Variants in NSD1 observed in about 807,000 individuals in gnomAD.
NSD1 encodes nuclear receptor binding SET domain protein 1.
In NSD1, 26 loss-of-function variants were observed where a neutral mutation model predicts 242.7. That is an observed-to-expected ratio of 0.11 (90% confidence interval 0.08 to 0.15). The LOEUF (loss-of-function observed/expected upper bound fraction) is 0.15. NSD1 is among the 10% of genes least tolerant of loss of function. The pLI is 1.00. For missense variants in NSD1, 2,495 were observed against 3,272.8 expected, an observed-to-expected ratio of 0.76 and a Z score of 5.80; for synonymous variants, 1,106 against 1,178.1, an observed-to-expected ratio of 0.94 and a Z score of 1.25.
Position 177,294,127 on chromosome 5 carries a change from A to T in NSD1, c.6759A>T (p.Lys2253Asn), listed in dbSNP as rs753553829. Reference protein sequence around the residue: ...MAAQAPKMSDKPPADTNQMLS... With the variant: ...MAAQAPKMSDNPPADTNQMLS... Reference sequence around the variant, plus strand: ...CTCAGGCACCCAAAATGTCAGATAAACCTCCTGCTGACACCAACCAGATGC... The same window carrying T: ...CTCAGGCACCCAAAATGTCAGATAATCCTCCTGCTGACACCAACCAGATGC... Residue 2253 changes from lysine (K) to asparagine (N), a missense_variant, in exon 23 of 23, where the codon AAA becomes AAT. This residue lies in a region of NSD1 where 475 missense variants were observed against 563.7 expected (regional missense o/e 0.84). Coordinates refer to ENST00000439151, the MANE Select transcript of NSD1 (RefSeq NM_022455.5). 4 of 1,613,792 alleles carry T rather than the reference A, an allele frequency of 2.5e-6. No homozygotes were observed. Among genetic ancestry groups the T allele is most frequent in the Middle Eastern group, 1.6e-4 (1 of 6,082 alleles).
rs370870491 is a variant in NSD1, at chr5:177,156,041, T to C, written c.927+20011T>C. Among the ~76,000 whole-genome samples the C allele has an allele frequency of 4.6e-5, 7 of 152,030 alleles. No homozygotes were observed. In the East Asian group the frequency reaches 1.2e-3, roughly 25 times the overall value. ...TCTTAATGAAGATTAATTATTGTAG[T>C]TGAGGGGGAAAAGGAATAATAAATA... On this transcript the variant is annotated intron_variant, in intron 2 of 22. Transcript: ENST00000439151.
At chr5:177,143,170 C>T (rs1400401993) in intron 2 of NSD1, among the ~76,000 whole-genome samples, 2 of 152,094 alleles carry the variant, frequency 1.3e-5, no homozygotes, top group Non-Finnish European at 2.9e-5. Context: ...TTTCAATGGA[C>T]CAAATTACTA....
At chr5:177,257,804 C>T (rs1181556135) in intron 13 of NSD1, among the ~76,000 whole-genome samples, 1 of 149,278 alleles carries the variant, frequency 6.7e-6, no homozygotes, top group Non-Finnish European at 1.5e-5. Flanking sequence ...GTGTAGTCTT[C>T]CCCTGGGCTT....
In NSD1 at chr5:177,235,950, G is replaced by T; in HGVS notation, c.3921+5G>T. 3 of 1,613,764 alleles carry T rather than the reference G, an allele frequency of 1.9e-6. No individual in the cohort carries two copies. The highest frequency in any genetic ancestry group is 2.5e-6 in the Non-Finnish European group (3 of 1,179,774). On this transcript the variant is annotated splice_donor_5th_base_variant and intron_variant, in intron 6 of 22. Coordinates refer to ENST00000439151, the MANE Select transcript of NSD1 (RefSeq NM_022455.5). ...GTACAGGAGCAGGTGCACAAGGTAT[G>T]TTGCAAAATTTCAGCAAACTTTCAC... is the stretch of plus-strand genomic sequence containing the variant.
intron 2 of NSD1, among the ~76,000 whole-genome samples, chr5:177,151,619 C>T (rs2149777500): frequency 6.6e-6 from 1 of 151,430 alleles, no homozygotes; most frequent in South Asian, 2.1e-4. Flanking sequence ...GGACTCCCAA[C>T]CTCTGGTGAT....
chr5:177,246,245 C>T (rs1766283402), intron 9 of NSD1, among the ~76,000 whole-genome samples: 2 of 152,192 alleles, frequency 1.3e-5, no homozygotes, highest in African/African-American at 4.8e-5. Context: ...GCTGGGATTA[C>T]AGGCTTGAGC....
At chr5:177,270,759 T>G (rs1757883619) in intron 16 of NSD1, among the ~76,000 whole-genome samples, 1 of 152,196 alleles carries the variant, frequency 6.6e-6, no homozygotes, top group South Asian at 2.1e-4. Flanking sequence ...ACTTCCTGGT[T>G]AGGGAATGGG....
At chr5:177,157,906 GGC>G (rs1466078162) in intron 2 of NSD1, among the ~76,000 whole-genome samples, 5 of 152,136 alleles carry the variant, frequency 3.3e-5, no homozygotes. Context: ...AATGTTTTAA[GGC>G]CCATTTATGT....
At chr5:177,138,229 G>T (rs982609523) in intron 2 of NSD1, among the ~76,000 whole-genome samples, 2 of 152,002 alleles carry the variant, frequency 1.3e-5, no homozygotes, top group African/African-American at 4.8e-5. Flanking sequence ...ATTGCTCAAA[G>T]ACTTTATCAC....
rs1317344138 is a variant in NSD1, at chr5:177,204,128, C to G, written c.1072C>G (p.Arg358Gly). The G allele has an allele frequency of 4.3e-6, 7 of 1,613,828 alleles. No homozygotes were observed. Among genetic ancestry groups the G allele is most frequent in the Non-Finnish European group, 5.9e-6 (7 of 1,179,856 alleles). The change falls in exon 4 of 23, where the codon CGG (arginine) becomes GGG (glycine). Residue 358 changes from arginine (R) to glycine (G), a missense_variant. This residue lies in a region of NSD1 where 65 missense variants were observed against 136.2 expected (regional missense o/e 0.48). Coordinates refer to ENST00000439151, the MANE Select transcript of NSD1 (RefSeq NM_022455.5). ...CTCTTACCCTTACCTAGTTTCCAAC[C>G]GGAGGCCCTATCGGCAGTACTACGT... ...NTHSKMKVSN[R>G]RPYRQYYVEA...
chr5:177,170,136 AT>A lies in NSD1; in HGVS notation c.928-21739del, dbSNP rs541242624. On this transcript the variant is annotated intron_variant, in intron 2 of 22. Coordinates refer to ENST00000439151, the MANE Select transcript of NSD1 (RefSeq NM_022455.5). ...AGGCGCCCGCCACCACGCCCGGCTA[AT>A]TTTTTTTTGTATTTTTAGTAGAGAT... Among the ~76,000 whole-genome samples, 419 of 146,620 alleles carry A rather than the reference AT, an allele frequency of 2.9e-3. 1 individual carries two copies. Among genetic ancestry groups the A allele is most frequent in the Non-Finnish European group, 5.4e-3 (354 of 66,116 alleles).
chr5:177,154,186 C>T (rs1007029075), intron 2 of NSD1, among the ~76,000 whole-genome samples: 14 of 151,926 alleles, frequency 9.2e-5, no homozygotes, highest in South Asian at 2.1e-4. Context: ...TGGCTTTTCC[C>T]GGAGTGAGTG....
At chr5:177,181,728 A>G (rs1439822388) in intron 2 of NSD1, among the ~76,000 whole-genome samples, 4 of 150,778 alleles carry the variant, frequency 2.7e-5, no homozygotes, top group African/African-American at 9.7e-5. Flanking sequence ...GCTTGGCTGC[A>G]TTGTGGTCTT....
At chr5:177,219,023 T>C (rs1477350576) in intron 5 of NSD1, among the ~76,000 whole-genome samples, 1 of 152,122 alleles carries the variant, frequency 6.6e-6, no homozygotes, top group Non-Finnish European at 1.5e-5. Flanking sequence ...TTCTATATGC[T>C]CTAGTCTTTG....
intron 10 of NSD1, among the ~76,000 whole-genome samples, chr5:177,247,040 G>T (rs1441262400): frequency 6.6e-6 from 1 of 152,168 alleles, no homozygotes; most frequent in Non-Finnish European, 1.5e-5. Context: ...GTCCAATCAG[G>T]TATATAAGTG....
chr5:177,265,792 T>A, intron 14 of NSD1: 1 of 1,420,704 alleles, frequency 7.0e-7, no homozygotes, highest in South Asian at 1.1e-5. Flanking sequence ...AGCCGGTCCC[T>A]CCGGTCCTCT....
At chr5:177,142,244 A>G (rs560706138) in intron 2 of NSD1, among the ~76,000 whole-genome samples, 4 of 152,344 alleles carry the variant, frequency 2.6e-5, no homozygotes, top group South Asian at 2.1e-4. Context: ...CTTGCAGTCA[A>G]TCATTTAAAT....
At position 177,135,256 on chromosome 5, in the gene NSD1, G is replaced by T. The variant is rs727504052; in HGVS notation, c.153G>T (p.Ser51=). The T allele has an allele frequency of 1.2e-6, 2 of 1,613,642 alleles. No individual in the cohort carries two copies. Among genetic ancestry groups the T allele is most frequent in the South Asian group, 2.2e-5 (2 of 91,072 alleles). Residue 51 remains serine, a synonymous_variant, in exon 2 of 23, where the codon TCG becomes TCT. Transcript: ENST00000439151. ...TTAATGGGTGTACTATGCAGTTATC[G>T]ACTGTCAGTGGAACATCCCAAAATG... ...EPLNGCTMQL[S]TVSGTSQNAY...
chr5:177,151,185 T>G (rs1581136382), intron 2 of NSD1, among the ~76,000 whole-genome samples: 1 of 152,238 alleles, frequency 6.6e-6, no homozygotes, highest in East Asian at 1.9e-4. Context: ...GAGACCAGCC[T>G]GGCTAACGTG....
Sources: gnomAD v4.1 joint callset for allele counts (sites outside exome capture counted in the v4.1 genomes callset) on GRCh38, gnomAD v4.1.1 for gene constraint, gnomAD v4.1.1 regional missense constraint, MANE v1.5 for transcripts, NCBI Gene and HGNC (gene_info 2026-07-23, HGNC 2026-07-21) for gene names.